Variants in RNPS1 observed in about 807,000 individuals in gnomAD.
RNPS1 encodes RNA binding protein with serine rich domain 1.
For synonymous variants in RNPS1, 147 were observed against 150.0 expected, an observed-to-expected ratio of 0.98 and a Z score of 0.15; for missense variants, 300 against 427.6, an observed-to-expected ratio of 0.70 and a Z score of 2.63.
At chr16:2,267,403 T>C (rs2093629168) in intron 1 of RNPS1, 1 of 981,950 alleles carries the variant, frequency 1.0e-6, no homozygotes, top group East Asian at 1.1e-4. Context: ...AAACTTAACC[T>C]TCCCGTATCC....
At chr16:2,260,835 C>T (rs1262293349) in intron 6 of RNPS1, among the ~76,000 whole-genome samples, 1 of 151,934 alleles carries the variant, frequency 6.6e-6, no homozygotes, top group African/African-American at 2.4e-5. Flanking sequence ...GGGAAGCCCC[C>T]AAAAAAAATT....
In RNPS1 at chr16:2,263,080, G is replaced by T; in HGVS notation, c.419+16C>A. 5 of 1,609,552 alleles carry T rather than the reference G, an allele frequency of 3.1e-6. No individual in the cohort carries two copies. Among genetic ancestry groups the T allele is most frequent in the Non-Finnish European group, 3.4e-6 (4 of 1,177,958 alleles). Reference sequence around the variant, plus strand: ...CCGAGCTTGTAAACTTTAGCTCCCAGGCGCAGGGCACTCACTTGGAGCGGG... The same window carrying T: ...CCGAGCTTGTAAACTTTAGCTCCCATGCGCAGGGCACTCACTTGGAGCGGG... On this transcript the variant is annotated intron_variant, in intron 4 of 7. Coordinates refer to ENST00000320225, the MANE Select transcript of RNPS1 (RefSeq NM_080594.4).
rs926305907 is a variant in RNPS1 at position 2,262,758 on chromosome 16, G to A, written c.504C>T (p.Leu168=). 3 of 1,612,718 alleles carry A rather than the reference G, an allele frequency of 1.9e-6. No individual in the cohort carries two copies. The highest frequency in any genetic ancestry group is 2.5e-6 in the Non-Finnish European group (3 of 1,179,836). ...TCCTCACCTTTGTCACATTCCGGGT[G>A]AGTCTCCCAATGTGCACTTTGGTGG... ...PKPTKVHIGR[L]TRNVTKDHIM... The change falls in exon 5 of 8, where the codon CTC becomes CTT. Residue 168 remains leucine (L), a synonymous_variant. Coordinates refer to ENST00000320225, the MANE Select transcript of RNPS1 (RefSeq NM_080594.4).
intron 6 of RNPS1, 197 bp from the exon 7 acceptor site, chr16:2,255,923 C>A: frequency 1.7e-6 from 1 of 590,634 alleles, no homozygotes; most frequent in South Asian, 2.0e-5. Context: ...GTCAGGAGAT[C>A]GAGACCATCC....
intron 6 of RNPS1, among the ~76,000 whole-genome samples, chr16:2,261,996 T>C (rs1395906156): frequency 6.6e-6 from 1 of 152,240 alleles, no homozygotes; most frequent in East Asian, 1.9e-4. Flanking sequence ...AACTTTGTAA[T>C]TTTAAGTTGG....
rs767648500 is a variant in RNPS1, at chr16:2,263,049, G to A, written c.419+47C>T. The A allele has an allele frequency of 6.3e-6, 10 of 1,584,704 alleles. 1 individual carries two copies. Among genetic ancestry groups the A allele is most frequent in the Non-Finnish European group, 6.9e-6 (8 of 1,161,666 alleles). ...CTTTTATAACCTCGATGGTAAATCT[G>A]TAGCCCCGAGCTTGTAAACTTTAGC... is the stretch of plus-strand genomic sequence containing the variant. On this transcript the variant is annotated intron_variant, in intron 4 of 7. Transcript: ENST00000320225.
rs529378586 is a variant in RNPS1 at position 2,266,307 on chromosome 16, T to C, written c.-117-1547A>G. On this transcript the variant is annotated intron_variant, in intron 1 of 7. Transcript: ENST00000320225. The stretch of plus-strand genomic sequence containing the variant: ...CACCTTTGCTGCTCTTGTCCAGGGG[T>C]AAAATGTTTTGCTTTAGAACAGTAA... 2.0e-5 allele frequency: 20 copies of C among 985,310 alleles called. No individual in the cohort carries two copies. The South Asian group carries it at 7.0e-4, about 35-fold the overall frequency. 61.0% of individuals were successfully genotyped at this position (985,310 alleles called of 1,614,324 possible).
chr16:2,257,395 T>C (rs1173515393), intron 6 of RNPS1: 1 of 152,034 alleles, frequency 6.6e-6, no homozygotes, highest in African/African-American at 2.4e-5. Flanking sequence ...TTAGCCCAAA[T>C]TAGGGATTTC....
rs1405742994 is a variant in RNPS1, at chr16:2,263,215, G to A, written c.300C>T (p.Ser100=). 3.7e-6 allele frequency: 6 copies of A among 1,613,546 alleles called. No homozygotes were observed. In the East Asian group the frequency reaches 1.3e-4, roughly 36 times the overall value. Residue 100 remains serine, a synonymous_variant, in exon 4 of 8, where the codon TCC becomes TCT. Transcript: ENST00000320225. The part of the protein sequence containing the change: ...STGSSSGSSS[S]SASSRSGSSS... ...AGCTTCCTGAGCGGCTGGATGCTGA[G>A]GAAGAGCTGGAGCCACTGCTTGAGC...
chr16:2,266,319 C>T lies in RNPS1; in HGVS notation c.-117-1559G>A, dbSNP rs2093624965. On this transcript the variant is annotated intron_variant, in intron 1 of 7. Coordinates refer to ENST00000320225, the MANE Select transcript of RNPS1 (RefSeq NM_080594.4). The stretch of plus-strand genomic sequence containing the variant: ...TCTTGTCCAGGGGTAAAATGTTTTG[C>T]TTTAGAACAGTAAGGTTCTGCAGAC... 5.1e-6 allele frequency: 5 copies of T among 985,310 alleles called. No individual in the cohort carries two copies. The African/African-American group carries it at 7.0e-5, about 14-fold the overall frequency. 61.0% of individuals were successfully genotyped at this position (985,310 alleles called of 1,614,324 possible).
At chr16:2,266,642 A>G (rs1428254591) in intron 1 of RNPS1, 10 of 985,308 alleles carry the variant, frequency 1.0e-5, no homozygotes, top group Non-Finnish European at 1.2e-5. Flanking sequence ...CTCCAAAGTT[A>G]CACTAATTTC....
At chr16:2,262,520 G>T (rs964926093) in intron 5 of RNPS1, 89 bp from the exon 6 acceptor site, 2 of 1,418,822 alleles carry the variant, frequency 1.4e-6, no homozygotes, top group South Asian at 1.2e-5. Flanking sequence ...CTAAAACCTC[G>T]GCAGGGTAAA....
At chr16:2,266,036 T>A in intron 1 of RNPS1, 3 of 841,294 alleles carry the variant, frequency 3.6e-6, no homozygotes, top group Non-Finnish European at 4.3e-6. Flanking sequence ...GTATTTCTAG[T>A]AAGGCTCTGC....
chr16:2,263,828 C>A (rs931683625), intron 3 of RNPS1: 17 of 281,096 alleles, frequency 6.0e-5, no homozygotes, highest in Admixed American at 1.5e-4. Flanking sequence ...CCTCTTGCCT[C>A]AGCCCTCCCA....
intron 4 of RNPS1, 71 bp from the exon 5 acceptor site, chr16:2,262,913 G>A: frequency 7.3e-7 from 1 of 1,373,312 alleles, no homozygotes; most frequent in South Asian, 1.2e-5. Context: ...TTTCGAGTAA[G>A]CTCTTATCTG....
intron 6 of RNPS1, among the ~76,000 whole-genome samples, chr16:2,261,165 C>G (rs1055635500): frequency 6.6e-6 from 1 of 151,980 alleles, no homozygotes; most frequent in Non-Finnish European, 1.5e-5. Flanking sequence ...AACTATAGTA[C>G]ACCCAAATAC....
At chr16:2,261,911 T>A (rs963155103) in intron 6 of RNPS1, among the ~76,000 whole-genome samples, 32 of 152,324 alleles carry the variant, frequency 2.1e-4, no homozygotes, top group African/African-American at 7.7e-4. Context: ...AGATTAAAAG[T>A]CAGTAACTTA....
intron 6 of RNPS1, among the ~76,000 whole-genome samples, chr16:2,261,778 A>T (rs1177284173): frequency 6.6e-6 from 1 of 152,196 alleles, no homozygotes; most frequent in Non-Finnish European, 1.5e-5. Flanking sequence ...AAAACTCCCC[A>T]AACTGCTGTG....
chr16:2,267,728 G>C (rs1185576497), intron 1 of RNPS1: 3 of 1,274,658 alleles, frequency 2.4e-6, no homozygotes, highest in Non-Finnish European at 3.0e-6. Flanking sequence ...GGGGGCTTGG[G>C]TCTCCGGCCC....
Sources: allele counts gnomAD v4.1 joint callset (sites outside exome capture counted in the v4.1 genomes callset), GRCh38; gene constraint gnomAD v4.1.1; transcripts MANE v1.5; gene names NCBI Gene and HGNC (gene_info 2026-07-23, HGNC 2026-07-21).